Variants in FRY observed in about 807,000 individuals in gnomAD.
The protein encoded by FRY is protein furry homolog.
Under a neutral mutation model 348.4 loss-of-function variants are expected in FRY, and 128 were observed. The observed-to-expected ratio is 0.37, with a 90% CI of 0.32 to 0.43. The LOEUF is 0.43. Ranked by LOEUF, FRY falls within the 20% of genes least tolerant of loss-of-function variation. The pLI, the probability that FRY is intolerant of heterozygous loss-of-function variation, is 1.00. For missense variants in FRY, 2,736 were observed against 3,695.2 expected (o/e 0.74, Z 6.73); for synonymous variants, 1,370 against 1,374.7 (o/e 1.00, Z 0.08).
intron 52 of FRY, 125 bp downstream of exon 52, chr13:32,261,941 A>T: frequency 1.1e-6 from 1 of 887,020 alleles, no homozygotes; most frequent in Non-Finnish European, 1.8e-6. Context: ...CGGAACTGTC[A>T]GGTGGTGTCA....
At chr13:32,274,758 AG>A (rs1291471381) in intron 55 of FRY, 83 bp from the exon 56 acceptor site, 1 of 929,560 alleles carries the variant, frequency 1.1e-6, no homozygotes, top group Non-Finnish European at 1.7e-6. Context: ...ATATAAAAAA[AG>A]AAGCTACCCC....
At position 32,228,779 on chromosome 13, in the gene FRY, A is replaced by G. The variant is rs1043862280; in HGVS notation, c.5405+125A>G. On this transcript the variant is annotated intron_variant, in intron 40 of 60. Transcript: ENST00000542859. The stretch of plus-strand genomic sequence containing the variant: ...TAACAAAGTCCTGTTTCTCTTCTCA[A>G]TTGCAACTGCTGGAGTCTGTGTGAA... 7.5e-6 allele frequency: 6 copies of G among 804,314 alleles called. No homozygotes were observed. The African/African-American group carries it at 8.4e-5, about 11-fold the overall frequency. 49.8% of individuals were successfully genotyped at this position (804,314 alleles called of 1,614,324 possible).
At position 32,261,335 on chromosome 13, in the gene FRY, G is replaced by A. The variant is rs573404265; in HGVS notation, c.7417-281G>A. On this transcript the variant is annotated intron_variant, in intron 51 of 60. Coordinates refer to ENST00000542859, the MANE Select transcript of FRY (RefSeq NM_023037.3). Reference sequence around the variant, plus strand: ...TTTGAAAACACAGATCATTGGTAGTGTTTACCAAAATCAACTTTTTAAAAA... The same window carrying A: ...TTTGAAAACACAGATCATTGGTAGTATTTACCAAAATCAACTTTTTAAAAA... 2.6e-5 allele frequency among the ~76,000 whole-genome samples: 4 copies of A among 152,234 alleles called. No homozygotes were observed. In the South Asian group the frequency reaches 8.3e-4, roughly 32 times the overall value.
At chr13:32,271,229 C>T (rs185015686) in intron 55 of FRY, among the ~76,000 whole-genome samples, 1 of 152,328 alleles carries the variant, frequency 6.6e-6, no homozygotes, top group Non-Finnish European at 1.5e-5. Flanking sequence ...TTGAACCTAC[C>T]TGTGTTCAAA....
At chr13:32,117,310 A>T in intron 3 of FRY, 24 bp from the exon 4 acceptor site, 1 of 1,612,390 alleles carries the variant, frequency 6.2e-7, no homozygotes, top group Non-Finnish European at 8.5e-7. Context: ...CCAGTGTTCT[A>T]ATCACCTGCA....
At chr13:32,087,195 T>C (rs548614273) in intron 2 of FRY, among the ~76,000 whole-genome samples, 2 of 152,330 alleles carry the variant, frequency 1.3e-5, no homozygotes, top group East Asian at 3.9e-4. Flanking sequence ...TGTAATGAAA[T>C]ATGTCATGCT....
chr13:32,185,062 C>T lies in FRY; in HGVS notation c.3233C>T (p.Ala1078Val). Reference sequence around the variant, plus strand: ...GACTTGACCCGCATGCTCCTAGAAGCTGAAAATGACAAAGAAGTTGAAATT... The same window carrying T: ...GACTTGACCCGCATGCTCCTAGAAGTTGAAAATGACAAAGAAGTTGAAATT... ...YVDLTRMLLE[A>V]ENDKEVEILK... The change falls in exon 26 of 61, where the codon GCT becomes GTT. Residue 1078 changes from alanine (A) to valine (V), a missense_variant. This residue lies in a region of FRY where 449 missense variants were observed against 576.9 expected (regional missense o/e 0.78). Transcript: ENST00000542859. The T allele has an allele frequency of 6.2e-7, 1 of 1,613,746 alleles. No homozygotes were observed. Among genetic ancestry groups the T allele is most frequent in the African/African-American group, 1.3e-5 (1 of 75,022 alleles).
chr13:32,128,792 A>G (rs1879180198), intron 7 of FRY, among the ~76,000 whole-genome samples: 1 of 152,234 alleles, frequency 6.6e-6, no homozygotes, highest in Non-Finnish European at 1.5e-5. Context: ...AGTCTACACC[A>G]GTGTTTCTCA....
chr13:32,145,391 G>A (rs1880339275), intron 11 of FRY, among the ~76,000 whole-genome samples: 1 of 152,104 alleles, frequency 6.6e-6, no homozygotes, highest in Non-Finnish European at 1.5e-5. Context: ...TGGATAAGAT[G>A]TCAAATTCAA....
At chr13:32,273,457 C>T (rs1354205374) in intron 55 of FRY, among the ~76,000 whole-genome samples, 5 of 151,626 alleles carry the variant, frequency 3.3e-5, no homozygotes, top group Admixed American at 1.3e-4. Context: ...CTCCTGACCT[C>T]GTGATCCACC....
intron 58 of FRY, among the ~76,000 whole-genome samples, chr13:32,284,418 A>G (rs1206375407): frequency 6.6e-6 from 1 of 152,240 alleles, no homozygotes; most frequent in Non-Finnish European, 1.5e-5. Flanking sequence ...AATCTATTAA[A>G]CATCATCCTT....
chr13:32,114,182 C>A (rs1878153741), intron 3 of FRY, among the ~76,000 whole-genome samples: 1 of 152,104 alleles, frequency 6.6e-6, no homozygotes, highest in Admixed American at 6.5e-5. Context: ...ATAAATATCC[C>A]ACACAAGTAT....
chr13:32,281,801 C>T lies in FRY; in HGVS notation c.8469+3253C>T, dbSNP rs539568045. On this transcript the variant is annotated intron_variant, in intron 58 of 60. Transcript: ENST00000542859. ...GGCAATCCTAGTAAGTCAGGCAAGG[C>T]GGGGAGATTTGTTTAAGTCGTCTGG... Among the ~76,000 whole-genome samples the T allele has an allele frequency of 8.5e-5, 13 of 152,292 alleles. No homozygotes were observed. In the South Asian group the frequency reaches 1.7e-3, roughly 19 times the overall value.
At chr13:32,116,522 G>C (rs146489506) in intron 3 of FRY, among the ~76,000 whole-genome samples, 2 of 152,102 alleles carry the variant, frequency 1.3e-5, no homozygotes, top group African/African-American at 4.8e-5. Flanking sequence ...TTATGGGGCC[G>C]TACCTAAGAA....
At chr13:32,081,682 C>T (rs563293709) in intron 2 of FRY, among the ~76,000 whole-genome samples, 1 of 152,252 alleles carries the variant, frequency 6.6e-6, no homozygotes, top group South Asian at 2.1e-4. Flanking sequence ...ATATTCTTTT[C>T]TTGTCTGCTG....
intron 4 of FRY, among the ~76,000 whole-genome samples, chr13:32,123,899 C>T (rs570774649): frequency 1.3e-5 from 2 of 152,296 alleles, no homozygotes; most frequent in South Asian, 4.1e-4. Flanking sequence ...GGCATGATCT[C>T]AGCTTACTGC....
At chr13:32,061,021 A>G in intron 1 of FRY, 1 of 495,178 alleles carries the variant, frequency 2.0e-6, no homozygotes, top group South Asian at 1.5e-5. Flanking sequence ...AGGACCATGG[A>G]GCCCATCATT....
At chr13:32,044,730 C>T (rs915326927) in intron 1 of FRY, among the ~76,000 whole-genome samples, 9 of 152,208 alleles carry the variant, frequency 5.9e-5, no homozygotes, top group African/African-American at 2.2e-4. Flanking sequence ...GCTGGGGGAA[C>T]TTCTGGAAAG....
chr13:32,132,395 A>T (rs1223046689), intron 8 of FRY, among the ~76,000 whole-genome samples: 1 of 152,114 alleles, frequency 6.6e-6, no homozygotes, highest in Non-Finnish European at 1.5e-5. Flanking sequence ...AGGAATTTTT[A>T]AAATGCTGCT....
Sources: gnomAD v4.1 joint callset for allele counts (sites outside exome capture counted in the v4.1 genomes callset) on GRCh38, gnomAD v4.1.1 for gene constraint, gnomAD v4.1.1 regional missense constraint, MANE v1.5 for transcripts, NCBI Gene and HGNC (gene_info 2026-07-23, HGNC 2026-07-21) for gene names.